MTMR10: variants seen among roughly 807,000 people sequenced by gnomAD.
MTMR10 encodes myotubularin-related protein 10.
In MTMR10, 56 loss-of-function variants were observed where a neutral mutation model predicts 88.1. The ratio of observed to expected loss-of-function variants is 0.64; its 90% confidence interval spans 0.51 to 0.79. The LOEUF is 0.79. Ranked by LOEUF, MTMR10 falls within the 30% of genes least tolerant of loss-of-function variation. The pLI is 0.00. For missense variants in MTMR10, 883 were observed against 924.7 expected, an observed-to-expected ratio of 0.95 and a Z score of 0.58; for synonymous variants, 380 against 340.9, an observed-to-expected ratio of 1.11 and a Z score of -1.26.
chr15:30,979,232 T>A (rs1033386582), intron 2 of MTMR10, among the ~76,000 whole-genome samples: 1 of 151,994 alleles, frequency 6.6e-6, no homozygotes, highest in Non-Finnish European at 1.5e-5. Flanking sequence ...CTAAGACTTA[T>A]GATCCACACA....
At chr15:30,944,850 AAAAAT>A (rs2063146583) in intron 14 of MTMR10, among the ~76,000 whole-genome samples, 1 of 151,874 alleles carries the variant, frequency 6.6e-6, no homozygotes, top group Non-Finnish European at 1.5e-5. Flanking sequence ...GACTCTACAA[AAAAAT>A]ACAAAAATTA....
intron 2 of MTMR10, among the ~76,000 whole-genome samples, chr15:30,981,021 TTACAG>T (rs764119178): frequency 1.6e-4 from 25 of 152,198 alleles, no homozygotes; most frequent in Non-Finnish European, 3.2e-4. Flanking sequence ...GATTAGAACA[TTACAG>T]TAAAGATCAA....
At chr15:30,984,663 C>T (rs954752219) in intron 2 of MTMR10, among the ~76,000 whole-genome samples, 4 of 152,132 alleles carry the variant, frequency 2.6e-5, no homozygotes, top group African/African-American at 4.8e-5. Context: ...CCAGATGGCC[C>T]ATGGTTGTAT....
chr15:30,928,865 C>T, the MTMR10 span: 1 of 841,642 alleles, frequency 1.2e-6, no homozygotes, highest in East Asian at 1.2e-4. Flanking sequence ...TTAATTTAGC[C>T]TCCACCTTAC....
At chr15:30,980,708 T>C (rs1420282594) in intron 2 of MTMR10, among the ~76,000 whole-genome samples, 1 of 151,514 alleles carries the variant, frequency 6.6e-6, no homozygotes, top group Non-Finnish European at 1.5e-5. Flanking sequence ...CTGTAGCCTC[T>C]GGTAATGCCA....
At chr15:30,927,368 TG>T in the MTMR10 span, 1 of 985,546 alleles carries the variant, frequency 1.0e-6, no homozygotes, top group South Asian at 4.7e-5. Flanking sequence ...AAAGTCCTCC[TG>T]GAAGACTTGG....
rs2063024892 is a variant in MTMR10, at chr15:30,940,943, C to T, written c.*527G>A. 1 of 1,085,246 alleles carries T rather than the reference C, an allele frequency of 9.2e-7. No homozygotes were observed. Among genetic ancestry groups the T allele is most frequent in the Non-Finnish European group, 1.1e-6 (1 of 888,340 alleles). 67.2% of individuals were successfully genotyped at this position (1,085,246 alleles called of 1,614,324 possible). On this transcript the variant is annotated 3_prime_UTR_variant, in exon 16 of 16. Coordinates refer to ENST00000435680, the MANE Select transcript of MTMR10 (RefSeq NM_017762.3). Reference sequence around the variant, plus strand: ...TTCAAAACACAGTGATCTAAGGTTCCAAAGAAGGTGATCTAAAATCATAAA... The same window carrying T: ...TTCAAAACACAGTGATCTAAGGTTCTAAAGAAGGTGATCTAAAATCATAAA...
the MTMR10 span, chr15:30,926,504 A>G: frequency 5.3e-6 from 2 of 379,508 alleles, no homozygotes; most frequent in Non-Finnish European, 3.6e-6. Flanking sequence ...TCGGAAGATT[A>G]ACAAGTACTA....
chr15:30,981,974 G>C (rs1462830046), intron 2 of MTMR10, among the ~76,000 whole-genome samples: 1 of 151,864 alleles, frequency 6.6e-6, no homozygotes, highest in Non-Finnish European at 1.5e-5. Flanking sequence ...AACAGGCTGA[G>C]GCAGGAGAAT....
chr15:30,942,109 C>T (rs1442433609), intron 15 of MTMR10, 37 bp from the exon 16 acceptor site: 1 of 1,570,232 alleles, frequency 6.4e-7, no homozygotes, highest in East Asian at 2.3e-5. Flanking sequence ...CCGGGGATTC[C>T]CTTTTTAGAA....
chr15:30,944,584 ATTTT>A (rs2063141417), intron 14 of MTMR10, among the ~76,000 whole-genome samples: 1 of 149,826 alleles, frequency 6.7e-6, no homozygotes, highest in Non-Finnish European at 1.5e-5. Context: ...AAAAAAAAAA[ATTTT>A]AGTTACTTGA....
the MTMR10 span, chr15:30,920,682 A>G: frequency 1.0e-5 from 13 of 1,305,528 alleles, no homozygotes; most frequent in African/African-American, 1.5e-4. Context: ...GCCCCCCACC[A>G]TTACTGATGT....
chr15:30,929,208 C>A, the MTMR10 span: 1 of 1,610,848 alleles, frequency 6.2e-7, no homozygotes, highest in Non-Finnish European at 8.5e-7. Flanking sequence ...CACAGGCATT[C>A]CCCCTGGACT....
At position 30,941,342 on chromosome 15, in the gene MTMR10, T is replaced by G; in HGVS notation, c.*128A>C. On this transcript the variant is annotated 3_prime_UTR_variant, in exon 16 of 16. Transcript: ENST00000435680. ...GCATGATTCAACATGTTTTTAAATA[T>G]TAGTGCAAATTCCAACTATTATTCT... The G allele has an allele frequency of 1.3e-6, 2 of 1,534,106 alleles. No individual in the cohort carries two copies. The highest frequency in any genetic ancestry group is 8.7e-7 in the Non-Finnish European group (1 of 1,144,224).
intron 5 of MTMR10, 125 bp from the exon 6 acceptor site, chr15:30,968,135 T>C: frequency 1.6e-6 from 1 of 630,976 alleles, no homozygotes; most frequent in Non-Finnish European, 2.6e-6. Flanking sequence ...TTACATGTTT[T>C]TCTGTTGACC....
chr15:30,976,767 CACTT>C, intron 3 of MTMR10, 48 bp downstream of exon 3: 4 of 1,557,146 alleles, frequency 2.6e-6, no homozygotes, highest in Non-Finnish European at 3.5e-6. Flanking sequence ...TAATATGTAC[CACTT>C]AGAGTTGAAA....
chr15:30,991,496 A>C lies in MTMR10; in HGVS notation c.11T>G (p.Leu4Arg). 6.6e-7 allele frequency: 1 copy of C among 1,525,576 alleles called. No homozygotes were observed. Among genetic ancestry groups the C allele is most frequent in the East Asian group, 2.7e-5 (1 of 37,046 alleles). 94.5% of individuals were successfully genotyped at this position (1,525,576 alleles called of 1,614,324 possible). A position where few individuals can be genotyped will look rare whatever the true frequency, so the allele number is the denominator to read the frequency against. Residue 4 changes from leucine (L) to arginine (R), a missense_variant, in exon 1 of 16, where the codon CTC becomes CGC. By Grantham distance (102) the Leu-to-Arg change is moderately radical. Coordinates refer to ENST00000435680, the MANE Select transcript of MTMR10 (RefSeq NM_017762.3). Reference sequence around the variant, plus strand: ...CCTGAAGGTGGGTTTGGGCGGCTTGAGGGAGAACATGGTGCCGCCGCCTTT... The same window carrying C: ...CCTGAAGGTGGGTTTGGGCGGCTTGCGGGAGAACATGGTGCCGCCGCCTTT... MFS[L>R]KPPKPTFRSY...
chr15:30,949,444 T>C (rs959132949), intron 12 of MTMR10: 2 of 152,228 alleles, frequency 1.3e-5, no homozygotes, highest in Non-Finnish European at 2.9e-5. Flanking sequence ...TATGATCCTG[T>C]ATGTAAAAAC....
chr15:30,991,155 A>C, intron 1 of MTMR10: 5 of 482,452 alleles, frequency 1.0e-5, no homozygotes, highest in Non-Finnish European at 1.4e-5. Context: ...TGGGTTGGAA[A>C]CTAAAGAAAA....
Sources: gnomAD v4.1 joint callset for allele counts (sites outside exome capture counted in the v4.1 genomes callset) on GRCh38, gnomAD v4.1.1 for gene constraint, MANE v1.5 for transcripts, NCBI Gene and HGNC (gene_info 2026-07-23, HGNC 2026-07-21) for gene names.